The following FYN variants were observed in gnomAD, a reference collection of about 807,000 sequenced individuals.
FYN encodes FYN proto-oncogene, Src family tyrosine kinase, also known as tyrosine-protein kinase Fyn.
In FYN, 10 loss-of-function variants were observed where a neutral mutation model predicts 70.2. That is an observed-to-expected ratio of 0.14 (90% CI 0.09 to 0.24). FYN has a LOEUF of 0.24. Ranked by LOEUF, FYN falls within the 10% of genes least tolerant of loss-of-function variation. The pLI is 1.00. For synonymous variants in FYN, 236 were observed against 248.6 expected (o/e 0.95, Z 0.48); for missense variants, 319 against 673.1 (o/e 0.47, Z 5.82).
At chr6:111,688,515 CTG>C in intron 12 of FYN, among the ~76,000 whole-genome samples, 1 of 152,280 alleles carries the variant, frequency 6.6e-6, no homozygotes, top group South Asian at 2.1e-4. Flanking sequence ...ACTATGTGCT[CTG>C]TGTCTACAAG....
At chr6:111,766,210 G>C (rs1803222968) in intron 3 of FYN, among the ~76,000 whole-genome samples, 1 of 152,110 alleles carries the variant, frequency 6.6e-6, no homozygotes, top group Admixed American at 6.5e-5. Context: ...GTCACAGCAG[G>C]GTGGTCACTT....
Position 111,771,153 on chromosome 6 carries a change from C to A in FYN, c.-12+9413G>T, listed in dbSNP as rs1425936222. ...AGAGATCTTTAGCCTCTGCCTGGAC[C>A]CATCTGGAGAGTCACTGCTATTTAT... On this transcript the variant is annotated intron_variant, in intron 3 of 13. Coordinates refer to ENST00000354650, the MANE Select transcript of FYN (RefSeq NM_002037.5). 7.9e-5 allele frequency among the ~76,000 whole-genome samples: 12 copies of A among 152,200 alleles called. No homozygotes were observed. In the East Asian group the frequency reaches 2.1e-3, roughly 27 times the overall value.
intron 3 of FYN, among the ~76,000 whole-genome samples, chr6:111,723,983 T>C (rs1801073679): frequency 6.6e-6 from 1 of 152,162 alleles, no homozygotes; most frequent in South Asian, 2.1e-4. Flanking sequence ...GTGAAGGGCA[T>C]TTTCACCAAT....
In FYN at chr6:111,829,084, C is replaced by T. The variant is rs374338781; in HGVS notation, c.-82+17505G>A. 1.1e-4 allele frequency among the ~76,000 whole-genome samples: 16 copies of T among 152,342 alleles called. No homozygotes were observed. The South Asian group carries it at 2.9e-3, about 28-fold the overall frequency. On this transcript the variant is annotated intron_variant, in intron 2 of 13. Coordinates refer to ENST00000354650, the MANE Select transcript of FYN (RefSeq NM_002037.5). ...CTCCTGGGACCAATGTGCTTCAGAACATGCTTTACGAAATGAGCTACTAAA... is the reference window on the plus strand; with the variant it reads ...CTCCTGGGACCAATGTGCTTCAGAATATGCTTTACGAAATGAGCTACTAAA...
At chr6:111,735,618 A>G (rs2128474628) in intron 3 of FYN, among the ~76,000 whole-genome samples, 1 of 152,328 alleles carries the variant, frequency 6.6e-6, no homozygotes, top group East Asian at 1.9e-4. Context: ...GGGTCTTGAT[A>G]GACACATACT....
chr6:111,791,960 T>C (rs1415747718), intron 2 of FYN, among the ~76,000 whole-genome samples: 1 of 152,152 alleles, frequency 6.6e-6, no homozygotes, highest in Non-Finnish European at 1.5e-5. Context: ...GAGAACACCT[T>C]CATACCTTGT....
chr6:111,820,432 T>C (rs1772621525), intron 2 of FYN, among the ~76,000 whole-genome samples: 1 of 152,186 alleles, frequency 6.6e-6, no homozygotes, highest in Non-Finnish European at 1.5e-5. Flanking sequence ...TTGAATAGTA[T>C]GGTGATCTTA....
intron 1 of FYN, among the ~76,000 whole-genome samples, chr6:111,869,595 T>C (rs142601486): frequency 2.0e-5 from 3 of 152,178 alleles, no homozygotes; most frequent in African/African-American, 4.8e-5. Flanking sequence ...GGTCTCACTA[T>C]GTTGCCCAGG....
intron 1 of FYN, among the ~76,000 whole-genome samples, chr6:111,853,932 A>C (rs1485726912): frequency 3.3e-5 from 5 of 152,192 alleles, no homozygotes; most frequent in African/African-American, 9.6e-5. Flanking sequence ...AAAGATCAAG[A>C]CTAGAGAAGG....
At chr6:111,674,997 T>A (rs770721477) in intron 12 of FYN, among the ~76,000 whole-genome samples, 5 of 152,130 alleles carry the variant, frequency 3.3e-5, no homozygotes, top group Admixed American at 6.6e-5. Context: ...TAAGATAGTG[T>A]GGTCTCACTG....
intron 3 of FYN, among the ~76,000 whole-genome samples, chr6:111,758,403 T>C (rs1357103249): frequency 2.0e-5 from 3 of 152,226 alleles, no homozygotes; most frequent in Non-Finnish European, 2.9e-5. Flanking sequence ...GTGACTTTTG[T>C]TTTGTTCTGT....
intron 2 of FYN, among the ~76,000 whole-genome samples, chr6:111,829,181 G>C (rs1007350878): frequency 2.6e-5 from 4 of 152,198 alleles, no homozygotes; most frequent in Non-Finnish European, 4.4e-5. Flanking sequence ...TCCAGAGCCT[G>C]AAGTCAGATT....
chr6:111,797,763 C>T (rs1771862803), intron 2 of FYN, among the ~76,000 whole-genome samples: 1 of 143,586 alleles, frequency 7.0e-6, no homozygotes, highest in Admixed American at 7.2e-5. Context: ...AAAATAAATA[C>T]ATCTTTTTTC....
At chr6:111,859,389 C>A (rs950193858) in intron 1 of FYN, among the ~76,000 whole-genome samples, 1 of 152,074 alleles carries the variant, frequency 6.6e-6, no homozygotes, top group Non-Finnish European at 1.5e-5. Flanking sequence ...TCCAATGGGG[C>A]CTCACTCCAT....
intron 2 of FYN, chr6:111,793,941 A>G (rs1019346640): frequency 5.3e-5 from 8 of 152,150 alleles, no homozygotes; most frequent in Non-Finnish European, 1.2e-4. Context: ...ACATCCTGAG[A>G]CTGCAGGCAG....
intron 1 of FYN, among the ~76,000 whole-genome samples, chr6:111,852,986 T>C (rs557819139): frequency 6.6e-6 from 1 of 152,318 alleles, no homozygotes; most frequent in Admixed American, 6.5e-5. Context: ...CAACAAGGTT[T>C]CACAACTGTG....
At chr6:111,705,386 T>TC (rs1331114462) in intron 6 of FYN, among the ~76,000 whole-genome samples, 2 of 146,454 alleles carry the variant, frequency 1.4e-5, no homozygotes, top group Non-Finnish European at 3.0e-5. Flanking sequence ...TTCTTCTTCT[T>TC]TTTTTTTTTT....
intron 1 of FYN, among the ~76,000 whole-genome samples, chr6:111,849,993 G>A (rs761242596): frequency 5.3e-5 from 8 of 152,324 alleles, no homozygotes; most frequent in African/African-American, 7.2e-5. Context: ...ATACAGGGGC[G>A]TGTGCCATCT....
intron 3 of FYN, among the ~76,000 whole-genome samples, chr6:111,737,602 T>C (rs1801766002): frequency 6.6e-6 from 1 of 152,218 alleles, no homozygotes; most frequent in Non-Finnish European, 1.5e-5. Context: ...TGTTCAGCTA[T>C]CTAGAAGCTC....
Sources: gnomAD v4.1 joint callset for allele counts (sites outside exome capture counted in the v4.1 genomes callset) on GRCh38, gnomAD v4.1.1 for gene constraint, MANE v1.5 for transcripts, NCBI Gene and HGNC (gene_info 2026-07-23, HGNC 2026-07-21) for gene names.